TMEM108: variants seen among roughly 807,000 people sequenced by gnomAD.
TMEM108 encodes the protein cancer/testis antigen 124.
TMEM108 carries 12 observed loss-of-function variants against 35.1 expected under a neutral mutation model. The ratio of observed to expected loss-of-function variants is 0.34; its 90% CI spans 0.22 to 0.55. The LOEUF (loss-of-function observed/expected upper bound fraction) is 0.55, where lower values mean the gene tolerates loss of function less well. Ranked by LOEUF, TMEM108 falls within the 20% of genes least tolerant of loss-of-function variation. The probability of loss-of-function intolerance (pLI) is 0.89; values close to 1 mark genes in which losing one functional copy is unlikely to be tolerated. For missense variants in TMEM108, 680 were observed against 753.3 expected (o/e 0.90, Z 1.14); for synonymous variants, 287 against 308.6 (o/e 0.93, Z 0.73).
At chr3:133,269,599 G>C (rs770290886) in intron 3 of TMEM108, among the ~76,000 whole-genome samples, 8 of 152,200 alleles carry the variant, frequency 5.3e-5, no homozygotes, top group African/African-American at 1.9e-4. Flanking sequence ...TGGCCCTTCT[G>C]TCTGACTCCC....
At chr3:133,161,545 A>G (rs1559851932) in intron 2 of TMEM108, among the ~76,000 whole-genome samples, 1 of 152,214 alleles carries the variant, frequency 6.6e-6, no homozygotes, top group African/African-American at 2.4e-5. Context: ...GTAAGTGCTC[A>G]ATAAATGTTA....
At chr3:133,334,791 TA>T (rs1354218460) in intron 3 of TMEM108, among the ~76,000 whole-genome samples, 52 of 152,372 alleles carry the variant, frequency 3.4e-4, no homozygotes, top group Middle Eastern at 3.4e-3. Context: ...AATGACATTT[TA>T]GGCATAACTG....
intron 4 of TMEM108, chr3:133,388,261 A>G (rs2073183684): frequency 1.0e-6 from 1 of 985,346 alleles, no homozygotes; most frequent in South Asian, 4.7e-5. Context: ...GGTAGTGACA[A>G]TGAAGAACAG....
chr3:133,258,427 C>T (rs1447285528), intron 3 of TMEM108, among the ~76,000 whole-genome samples: 1 of 152,192 alleles, frequency 6.6e-6, no homozygotes, highest in Non-Finnish European at 1.5e-5. Context: ...GTGGTGGGCC[C>T]AGGCTGAAAG....
Position 133,202,745 on chromosome 3 carries a change from CT to C in TMEM108, c.-46-26516del, listed in dbSNP as rs1420653676. ...GTAGCATGATGCCTCCAGCTTTATT[CT>C]TTTTGCTTAGGATTGTCTTGGCAAT... On this transcript the variant is annotated intron_variant, in intron 2 of 5. Transcript: ENST00000321871. Among the ~76,000 whole-genome samples the C allele has an allele frequency of 5.3e-5, 8 of 152,214 alleles. No individual in the cohort carries two copies. In the East Asian group the frequency reaches 9.6e-4, roughly 18 times the overall value.
At chr3:133,236,463 A>G (rs1274940574) in intron 3 of TMEM108, among the ~76,000 whole-genome samples, 2 of 152,072 alleles carry the variant, frequency 1.3e-5, no homozygotes, top group Non-Finnish European at 2.9e-5. Context: ...GATTTGAATT[A>G]TATGTATGTA....
At chr3:133,077,045 T>C (rs745857663) in intron 2 of TMEM108, among the ~76,000 whole-genome samples, 8 of 152,250 alleles carry the variant, frequency 5.3e-5, no homozygotes, top group African/African-American at 1.9e-4. Flanking sequence ...AAGAAGCAGA[T>C]AGATCCAAGG....
At chr3:133,206,024 C>G (rs554331118) in intron 2 of TMEM108, among the ~76,000 whole-genome samples, 1 of 152,128 alleles carries the variant, frequency 6.6e-6, no homozygotes, top group Non-Finnish European at 1.5e-5. Context: ...TTAATCTTGT[C>G]TTCACAGTTT....
intron 5 of TMEM108, among the ~76,000 whole-genome samples, chr3:133,395,476 A>G (rs1289509856): frequency 1.3e-5 from 2 of 152,182 alleles, no homozygotes. Context: ...GTGCAAGTGG[A>G]CTGAGTTTTG....
At chr3:133,136,089 CAA>C (rs1373523851) in intron 2 of TMEM108, among the ~76,000 whole-genome samples, 13 of 152,268 alleles carry the variant, frequency 8.5e-5, no homozygotes, top group African/African-American at 2.9e-4. Flanking sequence ...TTTCAGGATG[CAA>C]AGTCTATTTT....
intron 2 of TMEM108, among the ~76,000 whole-genome samples, chr3:133,181,311 A>G (rs1160067900): frequency 6.6e-6 from 1 of 152,088 alleles, no homozygotes; most frequent in Non-Finnish European, 1.5e-5. Context: ...AGATTTCTAC[A>G]TTTATCTTCA....
chr3:133,174,862 ACAAT>A (rs1272403009), intron 2 of TMEM108, among the ~76,000 whole-genome samples: 1 of 152,218 alleles, frequency 6.6e-6, no homozygotes, highest in African/African-American at 2.4e-5. Flanking sequence ...AAGGCTTCAG[ACAAT>A]CAAACTACTC....
chr3:133,343,832 G>GA (rs911486502), intron 3 of TMEM108, among the ~76,000 whole-genome samples: 4 of 151,618 alleles, frequency 2.6e-5, no homozygotes, highest in Non-Finnish European at 4.4e-5. Flanking sequence ...TATGCAAAAT[G>GA]AAAAAAAATC....
intron 3 of TMEM108, among the ~76,000 whole-genome samples, chr3:133,254,117 C>T (rs1473605395): frequency 6.6e-6 from 1 of 152,100 alleles, no homozygotes; most frequent in East Asian, 1.9e-4. Flanking sequence ...GCAGATGGAT[C>T]CCTTGAGGCC....
chr3:133,313,699 C>T (rs1322005176), intron 3 of TMEM108, among the ~76,000 whole-genome samples: 1 of 152,096 alleles, frequency 6.6e-6, no homozygotes, highest in Non-Finnish European at 1.5e-5. Flanking sequence ...ATCACCCAAT[C>T]AAGATGTTGT....
At chr3:133,223,974 A>G (rs1475919326) in intron 2 of TMEM108, among the ~76,000 whole-genome samples, 1 of 152,222 alleles carries the variant, frequency 6.6e-6, no homozygotes, top group Non-Finnish European at 1.5e-5. Context: ...CTAGATTTAT[A>G]GGCTCAGTTG....
At chr3:133,133,670 C>CT (rs1166514736) in intron 2 of TMEM108, among the ~76,000 whole-genome samples, 31 of 144,946 alleles carry the variant, frequency 2.1e-4, no homozygotes, top group Admixed American at 1.0e-3. Context: ...GCAGAGTTTT[C>CT]TTTTTTTTTC....
At chr3:133,284,414 C>T (rs1168364839) in intron 3 of TMEM108, among the ~76,000 whole-genome samples, 4 of 152,222 alleles carry the variant, frequency 2.6e-5, no homozygotes, top group Non-Finnish European at 2.9e-5. Context: ...GCTTAGGCCT[C>T]CCACCTGGGG....
At chr3:133,080,435 A>G (rs1262960369) in intron 2 of TMEM108, among the ~76,000 whole-genome samples, 1 of 152,216 alleles carries the variant, frequency 6.6e-6, no homozygotes, top group African/African-American at 2.4e-5. Flanking sequence ...GCATGTAAGG[A>G]CATATGTTGG....
Sources: allele counts gnomAD v4.1 joint callset (sites outside exome capture counted in the v4.1 genomes callset), GRCh38; gene constraint gnomAD v4.1.1; transcripts MANE v1.5; gene names NCBI Gene and HGNC (gene_info 2026-07-23, HGNC 2026-07-21).